The following CNTN6 variants were observed in gnomAD, a reference collection of about 807,000 sequenced individuals.
CNTN6 encodes contactin-6.
Under a neutral mutation model 122.8 loss-of-function variants are expected in CNTN6, and 137 were observed. The ratio of observed to expected loss-of-function variants is 1.12; its 90% CI spans 0.97 to 1.29. The LOEUF (loss-of-function observed/expected upper bound fraction) is 1.29. CNTN6 is among the 50% of genes most tolerant of loss of function. The pLI, the probability that CNTN6 is intolerant of heterozygous loss-of-function variation, is 0.00. For missense variants in CNTN6, 1,634 were observed against 1,223.4 expected (o/e 1.34, Z -5.01); for synonymous variants, 570 against 426.0 (o/e 1.34, Z -4.16).
chr3:1,186,056 A>G (rs1335763798), intron 2 of CNTN6, among the ~76,000 whole-genome samples: 2 of 152,164 alleles, frequency 1.3e-5, no homozygotes, highest in African/African-American at 2.4e-5. Flanking sequence ...TTGTGATGGA[A>G]GTGTTTATTG....
intron 4 of CNTN6, among the ~76,000 whole-genome samples, chr3:1,233,810 T>C (rs957392169): frequency 6.6e-6 from 1 of 151,372 alleles, no homozygotes; most frequent in Non-Finnish European, 1.5e-5. Flanking sequence ...TCTGACATAT[T>C]AATGATATTA....
intron 4 of CNTN6, among the ~76,000 whole-genome samples, chr3:1,233,458 A>G (rs6769832): frequency 0.3 from 45,637 of 151,928 alleles, 7,006 homozygotes; most frequent in East Asian, 0.41. Flanking sequence ...GTTTGAAGCC[A>G]GGCGCGGTGG....
chr3:1,233,577 T>G (rs906378792), intron 4 of CNTN6, among the ~76,000 whole-genome samples: 43 of 151,242 alleles, frequency 2.8e-4, no homozygotes, highest in African/African-American at 9.7e-4. Flanking sequence ...CTATAAAAAA[T>G]ACAAAAAATT....
intron 2 of CNTN6, among the ~76,000 whole-genome samples, chr3:1,163,475 G>T (rs536621341): frequency 6.6e-6 from 1 of 152,244 alleles, no homozygotes; most frequent in African/African-American, 2.4e-5. Flanking sequence ...GCAGTGACGC[G>T]ATCATAGCTC....
rs1247390088 is a variant in CNTN6 at position 1,320,357 on chromosome 3, T to C, written c.762-1293T>C. ...CTTGATGTACATAGGAGGATAATAA[T>C]TTTTTCCAATAAAAATGTCTAAGGC... On this transcript the variant is annotated intron_variant, in intron 7 of 22. Transcript: ENST00000446702. 2.0e-5 allele frequency among the ~76,000 whole-genome samples: 3 copies of C among 151,674 alleles called. No homozygotes were observed. The East Asian group carries it at 5.8e-4, about 29-fold the overall frequency.
chr3:1,153,313 T>C (rs554835011), intron 2 of CNTN6, among the ~76,000 whole-genome samples: 5 of 152,322 alleles, frequency 3.3e-5, no homozygotes, highest in Non-Finnish European at 5.9e-5. Flanking sequence ...TATTGTGTTA[T>C]GCCAACAGGG....
intron 11 of CNTN6, among the ~76,000 whole-genome samples, chr3:1,337,449 GACA>G (rs1413521992): frequency 1.3e-5 from 2 of 152,038 alleles, no homozygotes; most frequent in East Asian, 1.9e-4. Context: ...GCCTTTTCAA[GACA>G]ACATTAACCA....
intron 4 of CNTN6, among the ~76,000 whole-genome samples, chr3:1,265,049 T>TTTTTTTTTC (rs1553646529): frequency 6.0e-5 from 9 of 150,038 alleles, no homozygotes; most frequent in African/African-American, 2.0e-4. Context: ...ATTTCCTTTT[T>TTTTTTTTTC]TTTTTTTTTT....
chr3:1,149,180 A>G (rs145942549), intron 2 of CNTN6, among the ~76,000 whole-genome samples: 39 of 152,312 alleles, frequency 2.6e-4, no homozygotes, highest in African/African-American at 8.7e-4. Flanking sequence ...GTCTGTTACA[A>G]TCATAGAGTT....
chr3:1,157,228 T>TA (rs1255536787), intron 2 of CNTN6, among the ~76,000 whole-genome samples: 1 of 143,314 alleles, frequency 7.0e-6, no homozygotes, highest in African/African-American at 2.8e-5. Flanking sequence ...TTAATTTATT[T>TA]ATTTATTTAT....
chr3:1,274,510 T>C (rs1691961247), intron 4 of CNTN6, among the ~76,000 whole-genome samples: 1 of 152,198 alleles, frequency 6.6e-6, no homozygotes, highest in African/African-American at 2.4e-5. Context: ...TTATTAAAAG[T>C]ATAGAAAATA....
At position 1,244,207 on chromosome 3, in the gene CNTN6, C is replaced by T. The variant is rs1402284989; in HGVS notation, c.358+16214C>T. On this transcript the variant is annotated intron_variant, in intron 4 of 22. Coordinates refer to ENST00000446702, the MANE Select transcript of CNTN6 (RefSeq NM_001289080.2). The stretch of plus-strand genomic sequence containing the variant: ...TGAAGAGGTTTTAAGTTCTTGAGCA[C>T]ACAGGCTAAGGGAGAAGAAGGAGGA... 4.6e-5 allele frequency among the ~76,000 whole-genome samples: 7 copies of T among 152,064 alleles called. No individual in the cohort carries two copies. In the East Asian group the frequency reaches 1.2e-3, roughly 25 times the overall value.
intron 7 of CNTN6, among the ~76,000 whole-genome samples, chr3:1,312,698 A>G (rs369378265): frequency 1.3e-5 from 2 of 151,434 alleles, no homozygotes; most frequent in East Asian, 2.0e-4. Context: ...AGCACATGTT[A>G]TACACCCTAA....
Position 1,288,292 on chromosome 3 carries a change from T to C in CNTN6, c.455-7309T>C, listed in dbSNP as rs538549113. On this transcript the variant is annotated intron_variant, in intron 5 of 22. Transcript: ENST00000446702. ...CAATAAAATCCAGGTGATCAAGCAG[T>C]AATTGTGGAACGAATGGGAATTCAA... Among the ~76,000 whole-genome samples, 3 of 150,920 alleles carry C rather than the reference T, an allele frequency of 2.0e-5. No individual in the cohort carries two copies. In the Admixed American group the frequency reaches 2.0e-4, roughly 10 times the overall value.
At chr3:1,115,085 AAAT>A (rs747746863) in intron 1 of CNTN6, among the ~76,000 whole-genome samples, 10 of 152,186 alleles carry the variant, frequency 6.6e-5, no homozygotes, top group African/African-American at 9.6e-5. Flanking sequence ...AAGACCAAAA[AAAT>A]AGCAGAAAGC....
intron 2 of CNTN6, among the ~76,000 whole-genome samples, chr3:1,156,773 G>A (rs940423248): frequency 2.7e-5 from 4 of 150,636 alleles, no homozygotes; most frequent in Admixed American, 1.3e-4. Context: ...AAGTGCAATG[G>A]CGCTATCAAA....
chr3:1,203,949 G>A (rs2093921563), intron 2 of CNTN6, among the ~76,000 whole-genome samples: 1 of 152,172 alleles, frequency 6.6e-6, no homozygotes, highest in Admixed American at 6.5e-5. Flanking sequence ...TAACATGCTG[G>A]CTGTGCAGGT....
chr3:1,387,581 C>T (rs147892119), intron 20 of CNTN6, among the ~76,000 whole-genome samples: 2,903 of 152,144 alleles, frequency 0.019, 93 homozygotes, highest in African/African-American at 0.066. Flanking sequence ...CCAAGATGGC[C>T]GAATAGGAAC....
At chr3:1,363,048 A>G (rs1371346631) in intron 12 of CNTN6, among the ~76,000 whole-genome samples, 1 of 151,948 alleles carries the variant, frequency 6.6e-6, no homozygotes, top group African/African-American at 2.4e-5. Context: ...TAAAGACAAA[A>G]TAAAGATGCT....
Sources: gnomAD v4.1 joint callset for allele counts (sites outside exome capture counted in the v4.1 genomes callset) on GRCh38, gnomAD v4.1.1 for gene constraint, MANE v1.5 for transcripts, NCBI Gene and HGNC (gene_info 2026-07-23, HGNC 2026-07-21) for gene names.